Variants in PRRG4 observed in about 807,000 individuals in gnomAD.
PRRG4 encodes proline rich and Gla domain 4.
PRRG4 carries 12 observed loss-of-function variants against 20.0 expected under a neutral mutation model. That is an observed-to-expected ratio of 0.60 (90% CI 0.38 to 0.97). PRRG4 has a LOEUF of 0.97. Among genes scored for constraint, PRRG4 ranks in the 50% least tolerant of loss-of-function variants. The pLI, the probability that PRRG4 is intolerant of heterozygous loss-of-function variation, is 0.00. For missense variants in PRRG4, 199 were observed against 265.1 expected, an observed-to-expected ratio of 0.75 and a Z score of 1.73; for synonymous variants, 94 against 96.4, an observed-to-expected ratio of 0.98 and a Z score of 0.15.
intron 2 of PRRG4, 69 bp downstream of exon 2, chr11:32,830,701 T>G: frequency 6.2e-7 from 1 of 1,604,986 alleles, no homozygotes. Flanking sequence ...GTGCAGTATT[T>G]GAAATTACAT....
rs144621205 is a variant in PRRG4 at position 32,836,740 on chromosome 11, C to T, written c.186C>T (p.Pro62=). 5.5e-3 allele frequency: 8,937 copies of T among 1,612,644 alleles called. 35 individuals carry two copies. Among genetic ancestry groups the T allele is most frequent in the Non-Finnish European group, 6.9e-3 (8,081 of 1,178,842 alleles). ...GATTTGATCTGGAGCTCTTCACTCC[C>T]GGCAACCTAGAAAGAGAGTGCAATG... The part of the protein sequence containing the change: ...YNRFDLELFT[P]GNLERECNEE... The change falls in exon 3 of 6, where the codon CCC becomes CCT. Residue 62 remains proline, a synonymous_variant. Transcript: ENST00000257836.
intron 2 of PRRG4, among the ~76,000 whole-genome samples, chr11:32,834,702 A>AT (rs564719652): frequency 2.0e-3 from 306 of 152,338 alleles, no homozygotes; most frequent in African/African-American, 6.9e-3. Flanking sequence ...TAAGCAATAT[A>AT]AAACATTATG....
At position 32,830,076 on chromosome 11, in the gene PRRG4, T is replaced by G; in HGVS notation, c.-120T>G. ...GCGAGGCCCGGAGCGTCGCCGAGGTTTGAGGGCGCCGGAGACCGAGGGCCT... is the reference window on the plus strand; with the variant it reads ...GCGAGGCCCGGAGCGTCGCCGAGGTGTGAGGGCGCCGGAGACCGAGGGCCT... On this transcript the variant is annotated 5_prime_UTR_variant, in exon 1 of 6. Transcript: ENST00000257836. 1 of 988,786 alleles carries G rather than the reference T, an allele frequency of 1.0e-6. No homozygotes were observed. The highest frequency in any genetic ancestry group is 1.2e-6 in the Non-Finnish European group (1 of 832,450). The allele number at this position is 988,786 out of a possible 1,614,324, so 61.3% of individuals were successfully genotyped here. A position where few individuals can be genotyped will look rare whatever the true frequency, so the allele number is the denominator to read the frequency against.
chr11:32,841,263 G>A (rs937735973), intron 5 of PRRG4, among the ~76,000 whole-genome samples: 1 of 152,176 alleles, frequency 6.6e-6, no homozygotes, highest in East Asian at 1.9e-4. Context: ...AGAATAGAAA[G>A]TATTCTTTAT....
At chr11:32,842,686 C>T (rs996328501) in intron 5 of PRRG4, among the ~76,000 whole-genome samples, 1 of 152,048 alleles carries the variant, frequency 6.6e-6, no homozygotes, top group Non-Finnish European at 1.5e-5. Flanking sequence ...AGCCATTGCA[C>T]TCTAGCCTAG....
intron 2 of PRRG4, among the ~76,000 whole-genome samples, chr11:32,832,479 CTTT>C (rs555430349): frequency 2.5e-5 from 3 of 121,240 alleles, no homozygotes; most frequent in Non-Finnish European, 3.3e-5. Flanking sequence ...TGGTGAAATT[CTTT>C]TTTTTTTTTT....
chr11:32,834,290 T>C (rs1851000535), intron 2 of PRRG4, among the ~76,000 whole-genome samples: 1 of 152,202 alleles, frequency 6.6e-6, no homozygotes, highest in African/African-American at 2.4e-5. Context: ...GGAAGACCAT[T>C]GTAGGAATCC....
At position 32,836,798 on chromosome 11, in the gene PRRG4, AT is replaced by A. The variant is rs1290736271; in HGVS notation, c.249del (p.Phe83LeufsTer30). 1 of 1,612,090 alleles carries A rather than the reference AT, an allele frequency of 6.2e-7. No individual in the cohort carries two copies. Among genetic ancestry groups the A allele is most frequent in the East Asian group, 2.2e-5 (1 of 44,778 alleles). ...ELCNYEEAREIFVDEDKTIAF... is the reference protein window; with the variant it reads ...ELCNYEEAREXFVDEDKTIAF... ...TTGCAATTATGAGGAAGCCAGAGAG[AT>A]TTTTGTGGATGAAGATAAAACGGTA... is the stretch of plus-strand genomic sequence containing the variant. On this transcript the variant is annotated frameshift_variant, in exon 3 of 6. Coordinates refer to ENST00000257836, the MANE Select transcript of PRRG4 (RefSeq NM_024081.6). LOFTEE classifies it high-confidence loss of function.
intron 3 of PRRG4, among the ~76,000 whole-genome samples, chr11:32,837,535 G>GATTATTATT (rs1491396211): frequency 4.8e-5 from 5 of 103,424 alleles, no homozygotes; most frequent in African/African-American, 7.2e-5. Context: ...TGATGATGAT[G>GATTATTATT]ATGATGATTA....
intron 5 of PRRG4, among the ~76,000 whole-genome samples, chr11:32,851,227 A>T (rs889941549): frequency 2.6e-5 from 4 of 152,190 alleles, no homozygotes; most frequent in African/African-American, 9.7e-5. Flanking sequence ...TAAGATTGTG[A>T]TGTGTAAGAA....
In PRRG4 at chr11:32,830,100, C is replaced by T; in HGVS notation, c.-96C>T. 1 of 991,412 alleles carries T rather than the reference C, an allele frequency of 1.0e-6. No homozygotes were observed. The highest frequency in any genetic ancestry group is 1.2e-6 in the Non-Finnish European group (1 of 834,214). The allele number at this position is 991,412 out of a possible 1,614,324, so 61.4% of individuals were successfully genotyped here. A position where few individuals can be genotyped will look rare whatever the true frequency, so the allele number is the denominator to read the frequency against. On this transcript the variant is annotated 5_prime_UTR_variant, in exon 1 of 6. Transcript: ENST00000257836. ...TTTGAGGGCGCCGGAGACCGAGGGC[C>T]TGGCGGCCGAAGGAACCGCCCCAAG... is the stretch of plus-strand genomic sequence containing the variant.
At position 32,838,869 on chromosome 11, in the gene PRRG4, A is replaced by T; in HGVS notation, c.268-13A>T. On this transcript the variant is annotated splice_polypyrimidine_tract_variant and intron_variant, in intron 3 of 5. Transcript: ENST00000257836. ...GATATTGAATAAACTTGGGAATTTT[A>T]CCTTTTTTTTAGATTGCATTTTGGC... is the stretch of plus-strand genomic sequence containing the variant. 6.3e-7 allele frequency: 1 copy of T among 1,597,512 alleles called. No individual in the cohort carries two copies. Among genetic ancestry groups the T allele is most frequent in the Non-Finnish European group, 8.6e-7 (1 of 1,165,136 alleles).
chr11:32,845,396 C>T (rs574452174), intron 5 of PRRG4, among the ~76,000 whole-genome samples: 14 of 152,162 alleles, frequency 9.2e-5, no homozygotes, highest in Non-Finnish European at 1.2e-4. Flanking sequence ...GAGGCCGAGA[C>T]GGGCGGATCA....
At chr11:32,845,142 AT>A (rs1565116181) in intron 5 of PRRG4, among the ~76,000 whole-genome samples, 3 of 152,214 alleles carry the variant, frequency 2.0e-5, no homozygotes, top group Admixed American at 1.3e-4. Flanking sequence ...AGCTGTATTT[AT>A]AACCATCTTC....
intron 5 of PRRG4, among the ~76,000 whole-genome samples, chr11:32,847,686 T>C (rs2133448747): frequency 6.6e-6 from 1 of 152,338 alleles, no homozygotes; most frequent in South Asian, 2.1e-4. Context: ...CTCAAACAGA[T>C]ACTTGTACAC....
Position 32,855,238 on chromosome 11 carries a change from A to G in PRRG4, c.*1711A>G, listed in dbSNP as rs1055923914. On this transcript the variant is annotated 3_prime_UTR_variant, in exon 6 of 6. Coordinates refer to ENST00000257836, the MANE Select transcript of PRRG4 (RefSeq NM_024081.6). ...AGTTTTTCCTTAAGAATGTAGCAGC[A>G]TATAAGCTATAAATTTCTGGAGTAT... 3 of 152,320 alleles carry G rather than the reference A, an allele frequency of 2.0e-5. No homozygotes were observed. The highest frequency in any genetic ancestry group is 4.4e-5 in the Non-Finnish European group (3 of 68,014). The allele number at this position is 152,320 out of a possible 1,614,324, so 9.4% of individuals were successfully genotyped here.
At chr11:32,832,479 C>CTTTTTCTTTTTTTTT (rs761893280) in intron 2 of PRRG4, among the ~76,000 whole-genome samples, 2 of 121,266 alleles carry the variant, frequency 1.6e-5, no homozygotes, top group Non-Finnish European at 3.3e-5. Flanking sequence ...TGGTGAAATT[C>CTTTTTCTTTTTTTTT]TTTTTTTTTT....
At chr11:32,839,050 G>C (rs1380711835) in intron 4 of PRRG4, 120 bp downstream of exon 4, 1 of 692,774 alleles carries the variant, frequency 1.4e-6, no homozygotes, top group Admixed American at 2.4e-5. Flanking sequence ...AATCCAAGGA[G>C]ATTTCTCAAC....
At chr11:32,839,103 A>G (rs1168751716) in intron 4 of PRRG4, among the ~76,000 whole-genome samples, 173 bp downstream of exon 4, 1 of 152,214 alleles carries the variant, frequency 6.6e-6, no homozygotes, top group Non-Finnish European at 1.5e-5. Context: ...AGATTCATCT[A>G]TTTAATACAC....
Sources: gnomAD v4.1 joint callset for allele counts (sites outside exome capture counted in the v4.1 genomes callset) on GRCh38, gnomAD v4.1.1 for gene constraint, MANE v1.5 for transcripts, NCBI Gene and HGNC (gene_info 2026-07-23, HGNC 2026-07-21) for gene names.